Variants in GRM5 observed in about 807,000 individuals in gnomAD.
GRM5 encodes glutamate metabotropic receptor 5.
In GRM5, 19 loss-of-function variants were observed where a neutral mutation model predicts 83.1. The ratio of observed to expected loss-of-function variants is 0.23; its 90% CI spans 0.16 to 0.34. GRM5 has a LOEUF of 0.34. GRM5 is among the 10% of genes least tolerant of loss of function. The pLI is 1.00. For synonymous variants in GRM5, 675 were observed against 633.6 expected, an observed-to-expected ratio of 1.07 and a Z score of -0.98; for missense variants, 1,160 against 1,588.3, an observed-to-expected ratio of 0.73 and a Z score of 4.58.
At chr11:88,823,801 C>T (rs1043362650) in intron 3 of GRM5, among the ~76,000 whole-genome samples, 1 of 152,130 alleles carries the variant, frequency 6.6e-6, no homozygotes, top group Non-Finnish European at 1.5e-5. Context: ...TAGTGCCTTG[C>T]CTCTCACCTG....
intron 2 of GRM5, among the ~76,000 whole-genome samples, chr11:89,004,340 A>C (rs1313054352): frequency 6.6e-6 from 1 of 152,230 alleles, no homozygotes; most frequent in Non-Finnish European, 1.5e-5. Context: ...CACAAATAAT[A>C]TTTTAAAAGT....
chr11:88,558,662 T>C (rs1942682024), intron 8 of GRM5, among the ~76,000 whole-genome samples: 1 of 150,412 alleles, frequency 6.6e-6, no homozygotes, highest in African/African-American at 2.4e-5. Context: ...ATTAGCTGGG[T>C]GTGGTGGTGC....
At chr11:88,918,974 G>A (rs1401696215) in intron 2 of GRM5, among the ~76,000 whole-genome samples, 4 of 149,908 alleles carry the variant, frequency 2.7e-5, no homozygotes, top group Non-Finnish European at 5.9e-5. Flanking sequence ...AGACAGGAAG[G>A]ACAGAAGGAA....
chr11:88,829,185 G>T (rs2135517786), intron 3 of GRM5, among the ~76,000 whole-genome samples: 1 of 150,956 alleles, frequency 6.6e-6, no homozygotes, highest in South Asian at 2.1e-4. Context: ...ATGTTGGCAT[G>T]CTTGGTGGCT....
intron 7 of GRM5, among the ~76,000 whole-genome samples, chr11:88,590,337 G>A (rs1357369721): frequency 6.6e-6 from 1 of 152,150 alleles, no homozygotes; most frequent in East Asian, 1.9e-4. Context: ...AATGTCCTGG[G>A]CATGAGGGAA....
At chr11:89,010,828 T>C (rs1940673936) in intron 2 of GRM5, among the ~76,000 whole-genome samples, 1 of 151,690 alleles carries the variant, frequency 6.6e-6, no homozygotes. Context: ...TGGTGCCATA[T>C]GTATTAAGCC....
In GRM5 at chr11:88,687,501, T is replaced by TAC. The variant is rs1231774121; in HGVS notation, c.912-34100_912-34099dup. On this transcript the variant is annotated intron_variant, in intron 3 of 9. Coordinates refer to ENST00000305447, the MANE Select transcript of GRM5 (RefSeq NM_001143831.3). ...CAAAAACAAACAAACAAACAAAAAA[T>TAC]ACACACACACACACACACACACACA... 4.1e-3 allele frequency among the ~76,000 whole-genome samples: 197 copies of TAC among 47,658 alleles called. 10 individuals are homozygous for TAC. Among genetic ancestry groups the TAC allele is most frequent in the African/African-American group, 0.01 (94 of 9,098 alleles). The allele number at this position is 47,658 out of a possible 152,430, so 31.3% of individuals were successfully genotyped here.
intron 2 of GRM5, among the ~76,000 whole-genome samples, chr11:88,877,541 A>G (rs964445686): frequency 1.3e-5 from 2 of 152,018 alleles, no homozygotes; most frequent in African/African-American, 4.8e-5. Context: ...AACCTGGCCC[A>G]GTGGCTCATG....
chr11:88,955,649 G>A (rs977925728), intron 2 of GRM5, among the ~76,000 whole-genome samples: 3 of 152,010 alleles, frequency 2.0e-5, no homozygotes. Context: ...TGTCCCAAAT[G>A]TATCCTGAAC....
chr11:88,876,852 G>T (rs1011411425), intron 2 of GRM5, among the ~76,000 whole-genome samples: 7 of 151,940 alleles, frequency 4.6e-5, no homozygotes, highest in African/African-American at 1.7e-4. Flanking sequence ...AAAAAATGTG[G>T]TATATAAACA....
chr11:88,784,492 C>T (rs939003619), intron 3 of GRM5, among the ~76,000 whole-genome samples: 6 of 151,938 alleles, frequency 3.9e-5, no homozygotes, highest in Non-Finnish European at 8.8e-5. Flanking sequence ...AAGTATCACC[C>T]ACCACTTAAT....
intron 3 of GRM5, among the ~76,000 whole-genome samples, chr11:88,710,815 A>G (rs1157467917): frequency 2.0e-5 from 3 of 151,978 alleles, no homozygotes; most frequent in Non-Finnish European, 4.4e-5. Context: ...TCTCTACAAA[A>G]AGAAGGTGCA....
chr11:89,059,411 A>G (rs1185602410), intron 1 of GRM5, among the ~76,000 whole-genome samples: 1 of 152,164 alleles, frequency 6.6e-6, no homozygotes, highest in Non-Finnish European at 1.5e-5. Flanking sequence ...AGATATTTGC[A>G]CATTCCTTTG....
chr11:88,975,485 A>C (rs531088397), intron 2 of GRM5, among the ~76,000 whole-genome samples: 14 of 152,188 alleles, frequency 9.2e-5, no homozygotes, highest in Non-Finnish European at 1.6e-4. Context: ...AATTTCTAAC[A>C]AACTCTCACA....
chr11:88,996,825 T>C (rs1306496256), intron 2 of GRM5, among the ~76,000 whole-genome samples: 1 of 152,108 alleles, frequency 6.6e-6, no homozygotes, highest in African/African-American at 2.4e-5. Context: ...AATCAAAACA[T>C]AATCAGTAAC....
chr11:89,010,164 C>T (rs1002428554), intron 2 of GRM5, among the ~76,000 whole-genome samples: 6 of 151,720 alleles, frequency 4.0e-5, no homozygotes, highest in Non-Finnish European at 8.8e-5. Flanking sequence ...TTTTCAAAGT[C>T]TTAAGATCAT....
intron 3 of GRM5, among the ~76,000 whole-genome samples, chr11:88,654,839 G>C (rs189781978): frequency 6.6e-6 from 1 of 152,104 alleles, no homozygotes; most frequent in East Asian, 1.9e-4. Flanking sequence ...TGCCGAGAAA[G>C]TATTATGTAA....
chr11:88,669,324 G>T (rs1026092318), intron 3 of GRM5, among the ~76,000 whole-genome samples: 1 of 152,030 alleles, frequency 6.6e-6, no homozygotes, highest in African/African-American at 2.4e-5. Flanking sequence ...AGCTAAAAAA[G>T]ATAACTTCCT....
At chr11:89,006,914 A>C (rs1272973787) in intron 2 of GRM5, among the ~76,000 whole-genome samples, 5 of 152,084 alleles carry the variant, frequency 3.3e-5, no homozygotes, top group Middle Eastern at 6.8e-3. Flanking sequence ...TCTCCTGCCC[A>C]AGCCTCCTGA....
Sources: allele counts gnomAD v4.1 joint callset (sites outside exome capture counted in the v4.1 genomes callset), GRCh38; gene constraint gnomAD v4.1.1; transcripts MANE v1.5; gene names NCBI Gene and HGNC (gene_info 2026-07-23, HGNC 2026-07-21).